The following VPS13B variants were observed in gnomAD, a reference collection of about 807,000 sequenced individuals.
The protein encoded by VPS13B is intermembrane lipid transfer protein VPS13B.
VPS13B carries 285 observed loss-of-function variants against 426.4 expected under a neutral mutation model. The ratio of observed to expected loss-of-function variants is 0.67; its 90% CI spans 0.61 to 0.74. The LOEUF (loss-of-function observed/expected upper bound fraction) is 0.74, where lower values mean the gene tolerates loss of function less well. Ranked by LOEUF, VPS13B falls within the 30% of genes least tolerant of loss-of-function variation. The probability of loss-of-function intolerance (pLI) is 0.00; values close to 1 mark genes in which losing one functional copy is unlikely to be tolerated. For synonymous variants in VPS13B, 1,676 were observed against 1,676.4 expected (o/e 1.00, Z 0.01); for missense variants, 4,537 against 4,782.6 (o/e 0.95, Z 1.51).
chr8:99,176,688 C>T (rs1407090282), intron 16 of VPS13B, among the ~76,000 whole-genome samples: 2 of 152,188 alleles, frequency 1.3e-5, no homozygotes, highest in Admixed American at 1.3e-4. Context: ...AGCACAAACA[C>T]TTTTCACTTT....
intron 23 of VPS13B, among the ~76,000 whole-genome samples, chr8:99,459,872 A>G (rs1818735332): frequency 6.6e-6 from 1 of 152,100 alleles, no homozygotes; most frequent in Admixed American, 6.5e-5. Context: ...TGTCTCTGTA[A>G]TATTTCTTGT....
At chr8:99,121,130 G>A (rs765406061) in intron 7 of VPS13B, 47 bp from the exon 8 acceptor site, 1 of 1,563,210 alleles carries the variant, frequency 6.4e-7, no homozygotes, top group Admixed American at 1.8e-5. Context: ...TATTCTCTTA[G>A]TTAAATCCTT....
At chr8:99,813,890 T>C (rs1813868599) in intron 44 of VPS13B, among the ~76,000 whole-genome samples, 1 of 152,176 alleles carries the variant, frequency 6.6e-6, no homozygotes, top group South Asian at 2.1e-4. Flanking sequence ...TCCCAGCACT[T>C]TGGGAGGCTG....
intron 58 of VPS13B, among the ~76,000 whole-genome samples, chr8:99,865,442 A>C (rs1353454348): frequency 6.6e-6 from 1 of 152,170 alleles, no homozygotes; most frequent in Non-Finnish European, 1.5e-5. Flanking sequence ...CTCTCTCTTC[A>C]TGGGCACTCT....
intron 2 of VPS13B, among the ~76,000 whole-genome samples, chr8:99,037,314 G>GTAA (rs144328786): frequency 8.5e-4 from 129 of 151,146 alleles, no homozygotes; most frequent in South Asian, 3.4e-3. Context: ...CCACACTTTT[G>GTAA]TAATAATAAT....
At chr8:99,105,307 A>G (rs1174803117) in intron 5 of VPS13B, among the ~76,000 whole-genome samples, 1 of 152,226 alleles carries the variant, frequency 6.6e-6, no homozygotes, top group Non-Finnish European at 1.5e-5. Context: ...GAAAATAGAA[A>G]ACAAATAGAA....
intron 47 of VPS13B, 36 bp downstream of exon 47, chr8:99,818,924 C>T (rs1814203628): frequency 6.3e-7 from 1 of 1,583,992 alleles, no homozygotes; most frequent in East Asian, 2.3e-5. Flanking sequence ...TTTACATTTT[C>T]CTAGGAGAAA....
At chr8:99,335,086 G>C (rs1346221158) in intron 19 of VPS13B, among the ~76,000 whole-genome samples, 1 of 152,154 alleles carries the variant, frequency 6.6e-6, no homozygotes, top group Non-Finnish European at 1.5e-5. Flanking sequence ...TTAGTCTTGG[G>C]AGGGTGCATG....
intron 17 of VPS13B, among the ~76,000 whole-genome samples, chr8:99,267,998 G>T (rs1262184865): frequency 6.6e-6 from 1 of 152,114 alleles, no homozygotes; most frequent in Non-Finnish European, 1.5e-5. Context: ...TTCTAGTCAT[G>T]GGCAAAAGGG....
chr8:99,285,805 T>G (rs185689097), intron 19 of VPS13B, among the ~76,000 whole-genome samples: 99 of 152,222 alleles, frequency 6.5e-4, no homozygotes, highest in Middle Eastern at 3.4e-3. Flanking sequence ...CTTCTCCTAG[T>G]TGTTCTATAC....
intron 3 of VPS13B, among the ~76,000 whole-genome samples, chr8:99,060,532 C>G (rs1844124310): frequency 6.6e-6 from 1 of 151,654 alleles, no homozygotes; most frequent in African/African-American, 2.4e-5. Flanking sequence ...TCACTTGAAC[C>G]TAGGAGGCGG....
chr8:99,766,262 T>A (rs566929773), intron 39 of VPS13B, among the ~76,000 whole-genome samples: 1 of 152,002 alleles, frequency 6.6e-6, no homozygotes, highest in East Asian at 1.9e-4. Context: ...TTTTGTATTT[T>A]TAGTGGAGAT....
intron 17 of VPS13B, among the ~76,000 whole-genome samples, chr8:99,244,302 A>G (rs1311897660): frequency 6.6e-6 from 1 of 152,262 alleles, no homozygotes; most frequent in Non-Finnish European, 1.5e-5. Flanking sequence ...CAAGATTATA[A>G]ATATTTCAAG....
intron 35 of VPS13B, among the ~76,000 whole-genome samples, chr8:99,674,775 G>A (rs557771600): frequency 2.8e-4 from 43 of 151,862 alleles, no homozygotes; most frequent in Non-Finnish European, 5.5e-4. Flanking sequence ...AAATCTTATA[G>A]TTATAACAGG....
chr8:99,822,008 A>C (rs947773072), intron 50 of VPS13B, among the ~76,000 whole-genome samples: 7 of 152,214 alleles, frequency 4.6e-5, no homozygotes, highest in Non-Finnish European at 1.0e-4. Flanking sequence ...AGATGCATAC[A>C]AAAAACATAA....
chr8:99,562,893 G>T (rs900580813), intron 31 of VPS13B, among the ~76,000 whole-genome samples: 1 of 152,122 alleles, frequency 6.6e-6, no homozygotes, highest in Admixed American at 6.5e-5. Flanking sequence ...GATGGCTCAT[G>T]CTTGTAATCC....
intron 25 of VPS13B, among the ~76,000 whole-genome samples, chr8:99,493,085 C>T (rs770175405): frequency 2.0e-5 from 3 of 152,118 alleles, no homozygotes; most frequent in Non-Finnish European, 4.4e-5. Context: ...TTCACATGTT[C>T]AACTGACCAT....
intron 56 of VPS13B, among the ~76,000 whole-genome samples, chr8:99,855,517 C>A (rs1377673998): frequency 1.3e-5 from 2 of 152,068 alleles, no homozygotes; most frequent in African/African-American, 4.8e-5. Context: ...GAAATTCAAG[C>A]AAAGAACAGC....
Position 99,577,817 on chromosome 8 carries a change from T to G in VPS13B, c.5220+184T>G, listed in dbSNP as rs910134475. 4 of 833,450 alleles carry G rather than the reference T, an allele frequency of 4.8e-6. No homozygotes were observed. The African/African-American group carries it at 6.8e-5, about 14-fold the overall frequency. 51.6% of individuals were successfully genotyped at this position (833,450 alleles called of 1,614,324 possible). On this transcript the variant is annotated intron_variant, in intron 33 of 61. Coordinates refer to ENST00000357162, the MANE Select transcript of VPS13B (RefSeq NM_152564.5). ...ATTTTAGAAATTTGTTTGGTCTCTA[T>G]TCCTCTTATTTATCATGTACCTTTG...
Sources: allele counts gnomAD v4.1 joint callset (sites outside exome capture counted in the v4.1 genomes callset), GRCh38; gene constraint gnomAD v4.1.1; transcripts MANE v1.5; gene names NCBI Gene and HGNC (gene_info 2026-07-23, HGNC 2026-07-21).